MOV10L1: variants seen among roughly 807,000 people sequenced by gnomAD.
MOV10L1 encodes the protein RNA helicase Mov10l1.
In MOV10L1, 110 loss-of-function variants were observed where a neutral mutation model predicts 143.8. The observed-to-expected ratio is 0.76, with a 90% CI of 0.66 to 0.90. The LOEUF (loss-of-function observed/expected upper bound fraction) is 0.90. MOV10L1 is among the 40% of genes least tolerant of loss of function. The pLI, the probability that MOV10L1 is intolerant of heterozygous loss-of-function variation, is 0.00. For missense variants in MOV10L1, 1,406 were observed against 1,526.8 expected, an observed-to-expected ratio of 0.92 and a Z score of 1.32; for synonymous variants, 593 against 581.1, an observed-to-expected ratio of 1.02 and a Z score of -0.29.
intron 22 of MOV10L1, among the ~76,000 whole-genome samples, chr22:50,156,557 C>T (rs977811255): frequency 1.3e-5 from 2 of 152,212 alleles, no homozygotes; most frequent in African/African-American, 2.4e-5. Flanking sequence ...AGCCACCATT[C>T]TACTTTCTGA....
At position 50,142,193 on chromosome 22, in the gene MOV10L1, T is replaced by C. The variant is rs762246847; in HGVS notation, c.2179+4T>C. ...ACTGCAGAGATGAGCGATTGGGGTA[T>C]GTGCTCATGAGGGGCAAGGAGAAGA... On this transcript the variant is annotated splice_donor_region_variant and intron_variant, in intron 16 of 26. Transcript: ENST00000262794. The C allele has an allele frequency of 6.2e-7, 1 of 1,606,620 alleles. No homozygotes were observed. Among genetic ancestry groups the C allele is most frequent in the South Asian group, 1.1e-5 (1 of 89,974 alleles).
chr22:50,090,644 G>C, intron 1 of MOV10L1: 1 of 1,170,288 alleles, frequency 8.5e-7, no homozygotes, highest in Non-Finnish European at 1.2e-6. Context: ...GATGCGCCCG[G>C]ATGCCCTCAC....
In MOV10L1 at chr22:50,134,064, A is replaced by C; in HGVS notation, c.1968A>C (p.Lys656Asn). ...ALEHVIHLGV[K>N]VLFPEEIILQ... ...AACACGTCATCCACTTAGGTGTAAA[A>C]GGTATTACTTTTATAGAATGATAGT... Residue 656 changes from lysine to asparagine, a missense_variant and splice_region_variant, in exon 14 of 27, where the codon AAA becomes AAC. Lys to Asn is a moderately conservative substitution (Grantham distance 94). Transcript: ENST00000262794. 2 of 1,607,896 alleles carry C rather than the reference A, an allele frequency of 1.2e-6. No individual in the cohort carries two copies. Among genetic ancestry groups the C allele is most frequent in the Non-Finnish European group, 1.7e-6 (2 of 1,177,526 alleles).
chr22:50,117,393 T>C, intron 9 of MOV10L1, 42 bp downstream of exon 9: 1 of 1,598,654 alleles, frequency 6.3e-7, no homozygotes, highest in Non-Finnish European at 8.5e-7. Context: ...TCTGGCAGTT[T>C]TATCTGTGAA....
At chr22:50,097,569 CA>C in intron 2 of MOV10L1, among the ~76,000 whole-genome samples, 1 of 152,186 alleles carries the variant, frequency 6.6e-6, no homozygotes, top group African/African-American at 2.4e-5. Flanking sequence ...ACTGCACATG[CA>C]AGGGTTTATT....
chr22:50,138,263 C>T (rs182776600), intron 15 of MOV10L1, among the ~76,000 whole-genome samples: 5 of 152,264 alleles, frequency 3.3e-5, no homozygotes, highest in East Asian at 1.9e-4. Context: ...AACAGGCATC[C>T]GCATCCTGTA....
At chr22:50,097,022 A>G (rs1569267291) in intron 2 of MOV10L1, among the ~76,000 whole-genome samples, 2 of 152,070 alleles carry the variant, frequency 1.3e-5, no homozygotes, top group Non-Finnish European at 2.9e-5. Flanking sequence ...CTGATGTCAC[A>G]CTCAAGATAC....
intron 15 of MOV10L1, among the ~76,000 whole-genome samples, chr22:50,138,998 G>A (rs2062908840): frequency 6.6e-6 from 1 of 151,942 alleles, no homozygotes. Context: ...CACCATGCCA[G>A]GCCTGAATTT....
chr22:50,090,412 A>G lies in MOV10L1; in HGVS notation c.97+227A>G. The G allele has an allele frequency of 2.5e-6, 4 of 1,577,758 alleles. No individual in the cohort carries two copies. The South Asian group carries it at 4.6e-5, about 18-fold the overall frequency. On this transcript the variant is annotated intron_variant, in intron 1 of 26. Coordinates refer to ENST00000262794, the MANE Select transcript of MOV10L1 (RefSeq NM_018995.3). ...TCCTCTGTGAGGTCTCTCCGGTGAC[A>G]CCAGCCCCTCTTCCCGCCCTCACTT...
chr22:50,108,105 A>T, intron 3 of MOV10L1, 31 bp from the exon 4 acceptor site: 1 of 1,598,068 alleles, frequency 6.3e-7, no homozygotes, highest in Non-Finnish European at 8.6e-7. Flanking sequence ...GCACTTTAAC[A>T]CTACCATGGC....
chr22:50,125,850 C>G (rs2062485535), intron 11 of MOV10L1, among the ~76,000 whole-genome samples: 1 of 152,004 alleles, frequency 6.6e-6, no homozygotes, highest in African/African-American at 2.4e-5. Context: ...TGCAGTGGCG[C>G]AATCTCAGCT....
rs770576860 is a variant in MOV10L1, at chr22:50,160,819, C to T, written c.3456C>T (p.Leu1152=). The T allele has an allele frequency of 6.2e-6, 10 of 1,613,818 alleles. No individual in the cohort carries two copies. Among genetic ancestry groups the T allele is most frequent in the Middle Eastern group, 1.6e-4 (1 of 6,084 alleles). ...TAGTGCTGGGAAACCCCCATGTTCT[C>T]GTTCGAGTGAGTTTTCAGGCACTGG... ...LLIVLGNPHV[L]VRDPCFGALL... The change falls in exon 25 of 27, where the codon CTC becomes CTT. Residue 1152 remains leucine, a synonymous_variant. Transcript: ENST00000262794.
At chr22:50,156,049 CTCATTCATTCAT>C (rs536661217) in intron 22 of MOV10L1, among the ~76,000 whole-genome samples, 3 of 151,872 alleles carry the variant, frequency 2.0e-5, no homozygotes, top group Non-Finnish European at 1.5e-5. Flanking sequence ...GAAACCCTGT[CTCATTCATTCAT>C]TCATTCATTC....
At position 50,143,194 on chromosome 22, in the gene MOV10L1, A is replaced by G. The variant is rs1476047241; in HGVS notation, c.2331A>G (p.Thr777=). The G allele has an allele frequency of 6.2e-7, 1 of 1,614,186 alleles. No individual in the cohort carries two copies. Among genetic ancestry groups the G allele is most frequent in the Non-Finnish European group, 8.5e-7 (1 of 1,180,042 alleles). ...TTGGACCTCCTGGTACTGGAAAGACAGTGACAATAATAGAGGCTGTTTTAC... is the reference window on the plus strand; with the variant it reads ...TTGGACCTCCTGGTACTGGAAAGACGGTGACAATAATAGAGGCTGTTTTAC... ...ILFGPPGTGK[T]VTIIEAVLQV... Residue 777 remains threonine (T), a synonymous_variant, in exon 17 of 27, where the codon ACA becomes ACG. Coordinates refer to ENST00000262794, the MANE Select transcript of MOV10L1 (RefSeq NM_018995.3).
At chr22:50,104,130 G>A (rs1023618414) in intron 3 of MOV10L1, among the ~76,000 whole-genome samples, 1 of 152,116 alleles carries the variant, frequency 6.6e-6, no homozygotes, top group African/African-American at 2.4e-5. Context: ...TCACAATAGG[G>A]TTCCAGCTCC....
In MOV10L1 at chr22:50,113,472, C is replaced by T. The variant is rs548639192; in HGVS notation, c.744-176C>T. 1.6e-5 allele frequency: 12 copies of T among 760,058 alleles called. No homozygotes were observed. The Admixed American group carries it at 3.5e-4, about 22-fold the overall frequency. 47.1% of individuals were successfully genotyped at this position (760,058 alleles called of 1,614,324 possible). A position where few individuals can be genotyped will look rare whatever the true frequency, so the allele number is the denominator to read the frequency against. On this transcript the variant is annotated intron_variant, in intron 5 of 26. Coordinates refer to ENST00000262794, the MANE Select transcript of MOV10L1 (RefSeq NM_018995.3). ...TTTCTCTAGACTTTATGAAGTGCAT[C>T]GTTCTCTTCCTTAGGGTTTGCCATC...
At position 50,113,472 on chromosome 22, in the gene MOV10L1, CG is replaced by C. The variant is rs906167563; in HGVS notation, c.744-175del. On this transcript the variant is annotated intron_variant, in intron 5 of 26. Transcript: ENST00000262794. ...TTTCTCTAGACTTTATGAAGTGCAT[CG>C]TTCTCTTCCTTAGGGTTTGCCATCC... is the stretch of plus-strand genomic sequence containing the variant. The C allele has an allele frequency of 7.0e-5, 53 of 760,178 alleles. No individual in the cohort carries two copies. The Admixed American group carries it at 1.2e-3, about 17-fold the overall frequency. 47.1% of individuals were successfully genotyped at this position (760,178 alleles called of 1,614,324 possible).
chr22:50,118,227 T>C lies in MOV10L1; in HGVS notation c.1454+876T>C, dbSNP rs112580642. On this transcript the variant is annotated intron_variant, in intron 9 of 26. Coordinates refer to ENST00000262794, the MANE Select transcript of MOV10L1 (RefSeq NM_018995.3). The stretch of plus-strand genomic sequence containing the variant: ...TGTTTACCTTTTAAGGTTAGACCAT[T>C]GTTTGAATCACAGCACCACCACCAA... Among the ~76,000 whole-genome samples the C allele has an allele frequency of 3.3e-3, 498 of 152,116 alleles. 1 individual carries two copies. Among genetic ancestry groups the C allele is most frequent in the African/African-American group, 0.012 (481 of 41,512 alleles).
chr22:50,109,998 A>C (rs2061979399), intron 5 of MOV10L1, among the ~76,000 whole-genome samples: 1 of 151,794 alleles, frequency 6.6e-6, no homozygotes, highest in East Asian at 1.9e-4. Context: ...AAAATACAAA[A>C]ATTACCCGGT....
Sources: allele counts gnomAD v4.1 joint callset (sites outside exome capture counted in the v4.1 genomes callset), GRCh38; gene constraint gnomAD v4.1.1; transcripts MANE v1.5; gene names NCBI Gene and HGNC (gene_info 2026-07-23, HGNC 2026-07-21).